Variants in PLAGL1 observed in about 807,000 individuals in gnomAD.
PLAGL1 encodes the protein zinc finger protein PLAGL1.
A neutral mutation model predicts 4.6 loss-of-function variants in PLAGL1; 1 was observed. The observed-to-expected ratio is 0.22, with a 90% CI of 0.08 to 1.03. The LOEUF (loss-of-function observed/expected upper bound fraction) is 1.03. Ranked by LOEUF, PLAGL1 falls within the 50% of genes least tolerant of loss-of-function variation. PLAGL1 has a pLI of 0.58. For missense variants in PLAGL1, 464 were observed against 570.4 expected, an observed-to-expected ratio of 0.81 and a Z score of 1.90; for synonymous variants, 240 against 237.8, an observed-to-expected ratio of 1.01 and a Z score of -0.08.
At chr6:144,046,164 A>G (rs1249673690) in intron 1 of PLAGL1, among the ~76,000 whole-genome samples, 3 of 152,128 alleles carry the variant, frequency 2.0e-5, no homozygotes, top group Non-Finnish European at 4.4e-5. Flanking sequence ...GATATTGCCA[A>G]TCTTCTGAAG....
intron 1 of PLAGL1, among the ~76,000 whole-genome samples, chr6:143,992,652 CT>C (rs1266397062): frequency 2.6e-5 from 4 of 152,184 alleles, no homozygotes; most frequent in Non-Finnish European, 4.4e-5. Flanking sequence ...GGCAGATCTC[CT>C]GTCAAATTTA....
rs764393369 is a variant in PLAGL1 at position 143,990,119 on chromosome 6, ATT to A, written c.-583-4947_-583-4946del. 2.8e-5 allele frequency among the ~76,000 whole-genome samples: 4 copies of A among 144,528 alleles called. No homozygotes were observed. The highest frequency in any genetic ancestry group is 7.6e-5 in the African/African-American group (3 of 39,592). 94.8% of individuals were successfully genotyped at this position (144,528 alleles called of 152,430 possible). ...ACATACTATGCTCTGATATTCCCCA[ATT>A]TTTTTTTTTTTCTTTTTTGAGATGG... On this transcript the variant is annotated intron_variant, in intron 1 of 7. Coordinates refer to ENST00000674357, the MANE Select transcript of PLAGL1 (RefSeq NM_001317162.2). This position sits in a 1 kb window ranked among gnomAD's most constrained non-coding sequence, Gnocchi z 5.4.
In PLAGL1 at chr6:143,959,093, C is replaced by T. The variant is rs1031209228; in HGVS notation, c.-325+1376G>A. On this transcript the variant is annotated intron_variant, in intron 6 of 7. Transcript: ENST00000674357. The surrounding 1 kb of genome is among the most constrained non-coding windows in gnomAD (Gnocchi z 5.3). ...CTTTCATGTGCTGCTCTGCGCTCCC[C>T]GTCGCCCCGGAGGCCGGCACCTTGC... 1.3e-5 allele frequency among the ~76,000 whole-genome samples: 2 copies of T among 152,214 alleles called. No homozygotes were observed. Among genetic ancestry groups the T allele is most frequent in the Non-Finnish European group, 1.5e-5 (1 of 68,034 alleles).
intron 1 of PLAGL1, among the ~76,000 whole-genome samples, chr6:144,035,429 A>T (rs1482030907): frequency 9.2e-5 from 14 of 152,212 alleles, no homozygotes. Context: ...CGGGAGAAAG[A>T]TGAAGGCCGG....
chr6:143,998,793 A>AG (rs1244490520), intron 1 of PLAGL1, among the ~76,000 whole-genome samples: 1 of 152,182 alleles, frequency 6.6e-6, no homozygotes, highest in Non-Finnish European at 1.5e-5. Flanking sequence ...CATTTAAGGC[A>AG]GGGGAAATGG....
chr6:143,994,272 G>A lies in PLAGL1; in HGVS notation c.-583-9098C>T, dbSNP rs968069114. Among the ~76,000 whole-genome samples, 19 of 152,310 alleles carry A rather than the reference G, an allele frequency of 1.2e-4. No homozygotes were observed. Among genetic ancestry groups the A allele is most frequent in the African/African-American group, 4.3e-4 (18 of 41,554 alleles). ...ATTATTTTAATAATCTCAGAAAGGT[G>A]TCAGAAAAACGAGGAATTTTCCTAT... On this transcript the variant is annotated intron_variant, in intron 1 of 7. Coordinates refer to ENST00000674357, the MANE Select transcript of PLAGL1 (RefSeq NM_001317162.2). This position sits in a 1 kb window ranked among gnomAD's most constrained non-coding sequence, Gnocchi z 4.3.
At chr6:144,030,878 G>T in intron 1 of PLAGL1, among the ~76,000 whole-genome samples, 1 of 152,140 alleles carries the variant, frequency 6.6e-6, no homozygotes, top group South Asian at 2.1e-4. Flanking sequence ...CGGATCAAAT[G>T]GTAGATCTAC....
chr6:144,043,417 C>T (rs1797887605), intron 1 of PLAGL1, among the ~76,000 whole-genome samples: 1 of 152,166 alleles, frequency 6.6e-6, no homozygotes, highest in South Asian at 2.1e-4. Flanking sequence ...GCCTTTTCTG[C>T]ATCTATTGAG....
Position 143,942,970 on chromosome 6 carries a change from A to G in PLAGL1, c.153-307T>C, listed in dbSNP as rs886794717. Reference sequence around the variant, plus strand: ...AGCCTCAACGTCCTGGGCTCAAGCAATCTTCCCACCTTAGCCTCTCAAATA... The same window carrying G: ...AGCCTCAACGTCCTGGGCTCAAGCAGTCTTCCCACCTTAGCCTCTCAAATA... On this transcript the variant is annotated intron_variant, in intron 7 of 7. Transcript: ENST00000674357. This position sits in a 1 kb window ranked among gnomAD's most constrained non-coding sequence, Gnocchi z 7.6. 6.7e-6 allele frequency among the ~76,000 whole-genome samples: 1 copy of G among 149,618 alleles called. No homozygotes were observed. Among genetic ancestry groups the G allele is most frequent in the Non-Finnish European group, 1.5e-5 (1 of 67,686 alleles).
At chr6:143,996,448 A>G (rs1000804733) in intron 1 of PLAGL1, among the ~76,000 whole-genome samples, 1 of 152,200 alleles carries the variant, frequency 6.6e-6, no homozygotes, top group African/African-American at 2.4e-5. Context: ...TCTTTGTAAT[A>G]TAATCTCTGA....
In PLAGL1 at chr6:143,962,952, A is replaced by AGCCC. The variant is rs779560713; in HGVS notation, c.-399+1831_-399+1834dup. ...TTATTTTATTTTCCAGATGGAAAGG[A>AGCCC]GCCCACCTGATTTGGTAGATTACAG... On this transcript the variant is annotated intron_variant, in intron 5 of 7. Coordinates refer to ENST00000674357, the MANE Select transcript of PLAGL1 (RefSeq NM_001317162.2). This position sits in a 1 kb window ranked among gnomAD's most constrained non-coding sequence, Gnocchi z 5.3. Among the ~76,000 whole-genome samples the AGCCC allele has an allele frequency of 1.3e-5, 2 of 152,230 alleles. No individual in the cohort carries two copies. Among genetic ancestry groups the AGCCC allele is most frequent in the Non-Finnish European group, 2.9e-5 (2 of 68,050 alleles).
In PLAGL1 at chr6:143,944,783, CTTT is replaced by C. The variant is rs34085526; in HGVS notation, c.153-2123_153-2121del. ...TGGCTTACACACTCAGTATTTAAAC[CTTT>C]TTTTTTTTTTTTCTGGCCCAGTACT... is the stretch of plus-strand genomic sequence containing the variant. On this transcript the variant is annotated intron_variant, in intron 7 of 7. Transcript: ENST00000674357. Among the ~76,000 whole-genome samples, 229 of 145,116 alleles carry C rather than the reference CTTT, an allele frequency of 1.6e-3. 1 individual carries two copies. Among genetic ancestry groups the C allele is most frequent in the African/African-American group, 4.2e-3 (164 of 39,270 alleles).
chr6:144,043,147 C>T (rs951709301), intron 1 of PLAGL1, among the ~76,000 whole-genome samples: 1 of 152,178 alleles, frequency 6.6e-6, no homozygotes, highest in East Asian at 1.9e-4. Context: ...TCTTCTCTTC[C>T]TAATTGAATA....
At chr6:143,988,028 G>A (rs1339609582) in intron 1 of PLAGL1, among the ~76,000 whole-genome samples, 2 of 152,130 alleles carry the variant, frequency 1.3e-5, no homozygotes, top group African/African-American at 2.4e-5. Context: ...TGTCTGCCAA[G>A]CTTTTCCCAT....
In PLAGL1 at chr6:144,006,606, C is replaced by T. The variant is rs1344816114; in HGVS notation, c.-584+1484G>A. 6.6e-5 allele frequency: 10 copies of T among 151,934 alleles called. No individual in the cohort carries two copies. The highest frequency in any genetic ancestry group is 1.5e-4 in the Non-Finnish European group (10 of 67,984). The allele number at this position is 151,934 out of a possible 1,614,324, so 9.4% of individuals were successfully genotyped here. A position where few individuals can be genotyped will look rare whatever the true frequency, so the allele number is the denominator to read the frequency against. On this transcript the variant is annotated intron_variant, in intron 1 of 7. Transcript: ENST00000674357. This position sits in a 1 kb window ranked among gnomAD's most constrained non-coding sequence, Gnocchi z 4.3. ...TTTTTTTTGGTTCAACACTGAAAGGCATTTGTGTTGAAACACAAAAATACT... is the reference window on the plus strand; with the variant it reads ...TTTTTTTTGGTTCAACACTGAAAGGTATTTGTGTTGAAACACAAAAATACT...
chr6:144,034,567 T>C lies in PLAGL1; in HGVS notation c.-151+29901A>G, dbSNP rs1027368270. On this transcript the variant is annotated intron_variant, in intron 1 of 3. Transcript: ENST00000437412. This position sits in a 1 kb window ranked among gnomAD's most constrained non-coding sequence, Gnocchi z 4.7. ...GCCAGAAAGGAAGTGTGCAGCTAAT[T>C]CAGTCCTCCAGCAAAGAAAAGTGGG... is the stretch of plus-strand genomic sequence containing the variant. Among the ~76,000 whole-genome samples the C allele has an allele frequency of 6.6e-6, 1 of 152,188 alleles. No individual in the cohort carries two copies. The highest frequency in any genetic ancestry group is 2.4e-5 in the African/African-American group (1 of 41,452).
intron 1 of PLAGL1, among the ~76,000 whole-genome samples, chr6:144,041,993 A>G (rs998876680): frequency 7.2e-5 from 11 of 152,048 alleles, no homozygotes; most frequent in Non-Finnish European, 1.5e-4. Flanking sequence ...TTTGAGAAGT[A>G]TCTGTTCATA....
At position 143,979,690 on chromosome 6, in the gene PLAGL1, C is replaced by A. The variant is rs547388477; in HGVS notation, c.-544+5445G>T. ...ACCCCATTTGCTATTTTTGTTTAAA[C>A]CATCTTTTAAAAAATATTAATAATA... On this transcript the variant is annotated intron_variant, in intron 2 of 7. Transcript: ENST00000674357. The surrounding 1 kb of genome is among the most constrained non-coding windows in gnomAD (Gnocchi z 4.6). Among the ~76,000 whole-genome samples the A allele has an allele frequency of 1.3e-4, 20 of 152,026 alleles. No individual in the cohort carries two copies. In the East Asian group the frequency reaches 2.5e-3, roughly 19 times the overall value.
In PLAGL1 at chr6:143,968,787, G is replaced by A. The variant is rs1562457495; in HGVS notation, c.-472+120C>T. On this transcript the variant is annotated intron_variant, in intron 3 of 7. Transcript: ENST00000674357. This position sits in a 1 kb window ranked among gnomAD's most constrained non-coding sequence, Gnocchi z 6.3. ...CTGGGACATAAGCCCCTCTACCATG[G>A]AGGAGGCGAAGGCTCTGGTTTGTGC... The A allele has an allele frequency of 6.6e-6, 1 of 152,256 alleles. No homozygotes were observed. Among genetic ancestry groups the A allele is most frequent in the East Asian group, 1.9e-4 (1 of 5,180 alleles). The allele number at this position is 152,256 out of a possible 1,614,324, so 9.4% of individuals were successfully genotyped here. A position where few individuals can be genotyped will look rare whatever the true frequency, so the allele number is the denominator to read the frequency against.
Sources: gnomAD v4.1 joint callset for allele counts (sites outside exome capture counted in the v4.1 genomes callset) on GRCh38, gnomAD v4.1.1 for gene constraint, Gnocchi (gnomAD v3.1) non-coding constraint, MANE v1.5 for transcripts, NCBI Gene and HGNC (gene_info 2026-07-23, HGNC 2026-07-21) for gene names.